The following GRIK1 variants were observed in gnomAD, a reference collection of about 807,000 sequenced individuals.
GRIK1 encodes the protein glutamate receptor ionotropic, kainate 1.
A neutral mutation model predicts 105.7 loss-of-function variants in GRIK1; 69 were observed. The observed-to-expected ratio is 0.65, with a 90% CI of 0.54 to 0.80. The LOEUF (loss-of-function observed/expected upper bound fraction) is 0.80, where lower values mean the gene tolerates loss of function less well. Ranked by LOEUF, GRIK1 falls within the 30% of genes least tolerant of loss-of-function variation. The probability of loss-of-function intolerance (pLI) is 0.00; values close to 1 mark genes in which losing one functional copy is unlikely to be tolerated. For missense variants in GRIK1, 1,109 were observed against 1,167.3 expected, an observed-to-expected ratio of 0.95 and a Z score of 0.73; for synonymous variants, 438 against 431.3, an observed-to-expected ratio of 1.02 and a Z score of -0.19.
chr21:29,652,677 A>G (rs904276099), intron 5 of GRIK1, among the ~76,000 whole-genome samples: 1 of 152,256 alleles, frequency 6.6e-6, no homozygotes, highest in Non-Finnish European at 1.5e-5. Flanking sequence ...ATTTAAAAAT[A>G]CATCATTAAA....
Position 29,939,544 on chromosome 21 carries a change from A to G in GRIK1, c.-44T>C. The G allele has an allele frequency of 1.5e-6, 2 of 1,313,906 alleles. No homozygotes were observed. Among genetic ancestry groups the G allele is most frequent in the Non-Finnish European group, 1.1e-6 (1 of 950,914 alleles). The allele number at this position is 1,313,906 out of a possible 1,614,324, so 81.4% of individuals were successfully genotyped here. A position where few individuals can be genotyped will look rare whatever the true frequency, so the allele number is the denominator to read the frequency against. On this transcript the variant is annotated 5_prime_UTR_variant, in exon 1 of 18. Coordinates refer to ENST00000327783, the MANE Select transcript of GRIK1 (RefSeq NM_001330994.2). The stretch of plus-strand genomic sequence containing the variant: ...CATGCCGAGATACAGCCGCTGCCGG[A>G]CGCCCGAGAGATGCACCCAACTTGG...
Position 29,609,033 on chromosome 21 carries a change from T to C in GRIK1, c.1099-10096A>G, listed in dbSNP as rs141059594. Among the ~76,000 whole-genome samples, 91 of 151,782 alleles carry C rather than the reference T, an allele frequency of 6.0e-4. 1 individual carries two copies. In the East Asian group the frequency reaches 0.011, roughly 19 times the overall value. ...GGCTTTAATATCTTATTATAAGATA[T>C]CTTGGGATACCTGGGTCATTTCTTT... is the stretch of plus-strand genomic sequence containing the variant. On this transcript the variant is annotated intron_variant, in intron 7 of 17. Coordinates refer to ENST00000327783, the MANE Select transcript of GRIK1 (RefSeq NM_001330994.2).
chr21:29,759,943 T>A (rs1441177178), intron 1 of GRIK1: 1 of 152,248 alleles, frequency 6.6e-6, no homozygotes, highest in Admixed American at 6.5e-5. Flanking sequence ...TGTACAAACC[T>A]TTCTGTAATG....
intron 1 of GRIK1, among the ~76,000 whole-genome samples, chr21:29,877,026 G>A (rs1460644556): frequency 6.6e-6 from 1 of 152,140 alleles, no homozygotes; most frequent in Non-Finnish European, 1.5e-5. Flanking sequence ...ATGGTGAAAA[G>A]TATACTTTCA....
At position 29,537,831 on chromosome 21, in the gene GRIK1, A is replaced by G. The variant is rs771284422; in HGVS notation, c.2661T>C (p.His887=). The G allele has an allele frequency of 1.3e-6, 2 of 1,531,460 alleles. No individual in the cohort carries two copies. Among genetic ancestry groups the G allele is most frequent in the Non-Finnish European group, 1.8e-6 (2 of 1,106,520 alleles). The allele number at this position is 1,531,460 out of a possible 1,614,324, so 94.9% of individuals were successfully genotyped here. The change falls in exon 17 of 18, where the codon CAT becomes CAC. Residue 887 remains histidine (H), a synonymous_variant. Transcript: ENST00000327783. The part of the protein sequence containing the change: ...RFYFRNKVRF[H]GRKKQSLGVE... ...CACCAAGGCTTTGTTTTTTTCTCCC[A>G]TGAAACCTTACTTTGTTCCTAAAAT...
intron 1 of GRIK1, among the ~76,000 whole-genome samples, chr21:29,722,672 A>C (rs12482465): frequency 1.7e-3 from 263 of 152,188 alleles, no homozygotes; most frequent in South Asian, 0.012. Context: ...GATTTGAAAA[A>C]TGAAAATACG....
chr21:29,558,946 G>T (rs777709391), intron 15 of GRIK1, among the ~76,000 whole-genome samples: 7 of 152,074 alleles, frequency 4.6e-5, no homozygotes, highest in Non-Finnish European at 7.4e-5. Context: ...TCAATTAAAA[G>T]TCTCATGTTA....
chr21:29,830,750 C>A (rs746750219), intron 1 of GRIK1, among the ~76,000 whole-genome samples: 1 of 151,998 alleles, frequency 6.6e-6, no homozygotes, highest in Non-Finnish European at 1.5e-5. Context: ...AATTTCAGTT[C>A]ATAAATTTCA....
chr21:29,634,396 A>AT (rs919960174), intron 7 of GRIK1, among the ~76,000 whole-genome samples: 4 of 152,210 alleles, frequency 2.6e-5, no homozygotes, highest in African/African-American at 9.7e-5. Context: ...TTTAGAAATA[A>AT]TTTTTCATTC....
At chr21:29,598,674 T>C (rs1252979815) in intron 8 of GRIK1, 156 bp downstream of exon 8, 1 of 530,070 alleles carries the variant, frequency 1.9e-6, no homozygotes, top group African/African-American at 1.9e-5. Flanking sequence ...CATCAACTTC[T>C]ATCTGCAGAA....
intron 1 of GRIK1, among the ~76,000 whole-genome samples, chr21:29,850,406 T>G (rs2068267714): frequency 6.6e-6 from 1 of 152,120 alleles, no homozygotes; most frequent in African/African-American, 2.4e-5. Flanking sequence ...TCTAAGGTGT[T>G]CAAGATTAAA....
At position 29,560,364 on chromosome 21, in the gene GRIK1, TCTTC is replaced by T. The variant is rs376778152; in HGVS notation, c.2356+1256_2356+1259del. Among the ~76,000 whole-genome samples, 33 of 35,924 alleles carry T rather than the reference TCTTC, an allele frequency of 9.2e-4. 2 individuals carry two copies. Among genetic ancestry groups the T allele is most frequent in the African/African-American group, 1.8e-3 (14 of 7,980 alleles). 23.6% of individuals were successfully genotyped at this position (35,924 alleles called of 152,430 possible). On this transcript the variant is annotated intron_variant, in intron 15 of 17. Coordinates refer to ENST00000327783, the MANE Select transcript of GRIK1 (RefSeq NM_001330994.2). ...CTTTCTTTCTTTCTTTCTTTTTCTT[TCTTC>T]CTTCCTTCCTTCCTTCCTTCCTTCC...
chr21:29,761,328 G>C (rs973978559), intron 1 of GRIK1: 1 of 152,186 alleles, frequency 6.6e-6, no homozygotes, highest in African/African-American at 2.4e-5. Flanking sequence ...AGCATCCCTT[G>C]CTATCACAAC....
intron 1 of GRIK1, among the ~76,000 whole-genome samples, chr21:29,745,913 C>T (rs1016097171): frequency 2.0e-4 from 31 of 152,242 alleles, no homozygotes; most frequent in Non-Finnish European, 2.4e-4. Flanking sequence ...ACCATCCTGG[C>T]TAACACAGTG....
chr21:29,597,570 C>T, intron 8 of GRIK1: 1 of 389,330 alleles, frequency 2.6e-6, no homozygotes, highest in Non-Finnish European at 5.4e-6. Flanking sequence ...TTCCCTCCAG[C>T]CAACATCCCA....
At chr21:29,921,623 G>A (rs910291653) in intron 1 of GRIK1, among the ~76,000 whole-genome samples, 1 of 151,174 alleles carries the variant, frequency 6.6e-6, no homozygotes. Flanking sequence ...GAGTTTTCAC[G>A]AATCAAATAA....
In GRIK1 at chr21:29,708,462, T is replaced by C. The variant is rs572929971; in HGVS notation, c.119-14399A>G. Among the ~76,000 whole-genome samples, 235 of 152,376 alleles carry C rather than the reference T, an allele frequency of 1.5e-3. 16 individuals carry two copies. The highest frequency in any genetic ancestry group is 0.014 in the Middle Eastern group (4 of 294). ...TTTACATTTATAATTACAAATACAT[T>C]AATTTTTTCCTGAAACATGAAGCAT... On this transcript the variant is annotated intron_variant, in intron 1 of 17. Coordinates refer to ENST00000327783, the MANE Select transcript of GRIK1 (RefSeq NM_001330994.2).
chr21:29,914,648 A>T (rs1370758833), intron 1 of GRIK1, among the ~76,000 whole-genome samples: 3 of 152,134 alleles, frequency 2.0e-5, no homozygotes, highest in African/African-American at 7.2e-5. Flanking sequence ...TCTCCCTAGA[A>T]GTCAAGTATG....
At chr21:29,688,785 G>A (rs557375991) in intron 3 of GRIK1, among the ~76,000 whole-genome samples, 9 of 152,250 alleles carry the variant, frequency 5.9e-5, no homozygotes, top group South Asian at 4.2e-4. Flanking sequence ...GCGTGCGGTC[G>A]TGGAGAATGA....
Sources: gnomAD v4.1 joint callset for allele counts (sites outside exome capture counted in the v4.1 genomes callset) on GRCh38, gnomAD v4.1.1 for gene constraint, MANE v1.5 for transcripts, NCBI Gene and HGNC (gene_info 2026-07-23, HGNC 2026-07-21) for gene names.